The following BBS4 variants were observed in gnomAD, a reference collection of about 807,000 sequenced individuals.
BBS4 encodes the protein BBSome complex member BBS4.
BBS4 carries 58 observed loss-of-function variants against 71.4 expected under a neutral mutation model. The ratio of observed to expected loss-of-function variants is 0.81; its 90% CI spans 0.66 to 1.01. The LOEUF is 1.01. Ranked by LOEUF, BBS4 falls within the 50% of genes least tolerant of loss-of-function variation. BBS4 has a pLI of 0.00. For missense variants in BBS4, 660 were observed against 607.9 expected, an observed-to-expected ratio of 1.09 and a Z score of -0.90; for synonymous variants, 228 against 216.8, an observed-to-expected ratio of 1.05 and a Z score of -0.46.
At chr15:72,725,910 TCCCCATCCCCCTTC>T (rs1567423992) in intron 8 of BBS4, among the ~76,000 whole-genome samples, 112 of 1,248 alleles carry the variant, frequency 0.09, 21 homozygotes, top group Middle Eastern at 0.5. Context: ...CATCCCCCTT[TCCCCATCCCCCTTC>T]CCCCTTTCCC....
intron 2 of BBS4, among the ~76,000 whole-genome samples, chr15:72,708,864 C>G (rs2065313575): frequency 6.6e-6 from 1 of 152,104 alleles, no homozygotes; most frequent in African/African-American, 2.4e-5. Context: ...GGAAAAAACC[C>G]CACCCTGGTA....
chr15:72,717,145 A>G (rs1434483486), intron 6 of BBS4: 7 of 394,870 alleles, frequency 1.8e-5, no homozygotes, highest in Non-Finnish European at 2.8e-5. Flanking sequence ...ATTCCACAGT[A>G]TCAGCAATAG....
In BBS4 at chr15:72,722,827, T is replaced by C. The variant is rs781691906; in HGVS notation, c.439T>C (p.Tyr147His). The C allele has an allele frequency of 1.1e-5, 18 of 1,613,802 alleles. No individual in the cohort carries two copies. The East Asian group carries it at 2.2e-4, about 20-fold the overall frequency. The change falls in exon 7 of 16, where the codon TAC (tyrosine) becomes CAC (histidine). Residue 147 changes from tyrosine to histidine, a missense_variant. Tyr to His is a moderately conservative substitution (Grantham distance 83, BLOSUM62 2). Transcript: ENST00000268057. The part of the protein sequence containing the change: ...ISHNLGVCYI[Y>H]LKQFNKAQDQ... The stretch of plus-strand genomic sequence containing the variant: ...CCATAACCTAGGAGTTTGCTACATA[T>C]ACCTGAAGCAGTTCAACAAGGTAAT...
At chr15:72,698,717 G>A (rs181548864) in intron 2 of BBS4, among the ~76,000 whole-genome samples, 18 of 152,210 alleles carry the variant, frequency 1.2e-4, no homozygotes, top group Admixed American at 9.8e-4. Context: ...TAGGAATTTT[G>A]TAGATATTCT....
chr15:72,736,749 T>G lies in BBS4; in HGVS notation c.1249-13T>G, dbSNP rs2065931808. Reference sequence around the variant, plus strand: ...CACGCTTTTGATTCTTTTACTTCCTTTGTGGACACAAGATGGTGGAGATGG... The same window carrying G: ...CACGCTTTTGATTCTTTTACTTCCTGTGTGGACACAAGATGGTGGAGATGG... On this transcript the variant is annotated splice_polypyrimidine_tract_variant and intron_variant, in intron 14 of 15. Coordinates refer to ENST00000268057, the MANE Select transcript of BBS4 (RefSeq NM_033028.5). 1.2e-6 allele frequency: 2 copies of G among 1,613,978 alleles called. No homozygotes were observed. The highest frequency in any genetic ancestry group is 3.3e-5 in the Admixed American group (2 of 60,006).
intron 2 of BBS4, among the ~76,000 whole-genome samples, chr15:72,699,382 C>A (rs965101081): frequency 1.3e-5 from 2 of 152,098 alleles, no homozygotes; most frequent in African/African-American, 4.8e-5. Flanking sequence ...CCGTGCTTGG[C>A]CCAATTCTGT....
chr15:72,733,169 C>G (rs1201131936), intron 12 of BBS4, among the ~76,000 whole-genome samples: 2 of 152,080 alleles, frequency 1.3e-5, no homozygotes, highest in East Asian at 3.8e-4. Context: ...AATAAAAAGG[C>G]TAAAGTGGGG....
chr15:72,717,820 T>C (rs1238627027), intron 6 of BBS4, among the ~76,000 whole-genome samples: 1 of 150,140 alleles, frequency 6.7e-6, no homozygotes, highest in Non-Finnish European at 1.5e-5. Flanking sequence ...TTAACTTGCC[T>C]CTCATTTTCT....
chr15:72,711,108 GT>G lies in BBS4; in HGVS notation c.157-1128del, dbSNP rs919982250. On this transcript the variant is annotated intron_variant, in intron 3 of 15. Coordinates refer to ENST00000268057, the MANE Select transcript of BBS4 (RefSeq NM_033028.5). The stretch of plus-strand genomic sequence containing the variant: ...GAGCCACCGCACCCGGCCCATACCA[GT>G]TTTTTTTGACACCGCTGATCCGAAG... Among the ~76,000 whole-genome samples the G allele has an allele frequency of 2.1e-5, 3 of 143,920 alleles. No individual in the cohort carries two copies. The South Asian group carries it at 6.7e-4, about 32-fold the overall frequency. 94.4% of individuals were successfully genotyped at this position (143,920 alleles called of 152,430 possible).
At chr15:72,732,004 C>T (rs910419264) in intron 12 of BBS4, among the ~76,000 whole-genome samples, 6 of 152,136 alleles carry the variant, frequency 3.9e-5, no homozygotes, top group African/African-American at 1.4e-4. Flanking sequence ...CTTGACAATT[C>T]ATTTATGTAT....
At chr15:72,687,826 G>T (rs2064892416) in intron 1 of BBS4, among the ~76,000 whole-genome samples, 1 of 148,384 alleles carries the variant, frequency 6.7e-6, no homozygotes, top group Admixed American at 6.7e-5. Context: ...AGCTACTAGG[G>T]AGGCTGAGGC....
chr15:72,702,832 G>T (rs2065196238), intron 2 of BBS4, among the ~76,000 whole-genome samples: 1 of 52,398 alleles, frequency 1.9e-5, no homozygotes, highest in Admixed American at 3.6e-4. Context: ...TTTTGAGACG[G>T]AGTCTCGCTC....
At chr15:72,686,374 G>A in intron 1 of BBS4, 123 bp downstream of exon 1, 1 of 1,539,064 alleles carries the variant, frequency 6.5e-7, no homozygotes, top group East Asian at 2.4e-5. Flanking sequence ...CTCAGGGTGG[G>A]CGGGGCGACA....
chr15:72,691,958 C>CAAAAAAAAA (rs33994964), intron 1 of BBS4, among the ~76,000 whole-genome samples: 1 of 102,418 alleles, frequency 9.8e-6, no homozygotes, highest in African/African-American at 3.7e-5. Flanking sequence ...GACTTCGTCT[C>CAAAAAAAAA]AAAAAAAAAA....
At chr15:72,729,829 T>G (rs540567537) in intron 10 of BBS4, 145 bp downstream of exon 10, 1 of 697,702 alleles carries the variant, frequency 1.4e-6, no homozygotes, top group East Asian at 2.7e-5. Flanking sequence ...GTGGCTCTTC[T>G]TATTTGAAAA....
intron 4 of BBS4, among the ~76,000 whole-genome samples, chr15:72,714,858 C>T (rs1243407972): frequency 6.6e-6 from 1 of 152,162 alleles, no homozygotes. Flanking sequence ...TTATCCTTTG[C>T]CAGAATCTCC....
rs142831603 is a variant in BBS4, at chr15:72,711,590, A to C, written c.157-654A>C. Among the ~76,000 whole-genome samples, 1,206 of 152,262 alleles carry C rather than the reference A, an allele frequency of 7.9e-3. 12 individuals carry two copies. Among genetic ancestry groups the C allele is most frequent in the African/African-American group, 0.028 (1,152 of 41,542 alleles). On this transcript the variant is annotated intron_variant, in intron 3 of 15. Transcript: ENST00000268057. ...TTCTGTAATGGGCCAACAATATTTT[A>C]GGGTTTGTAGGCCACATACAGTCTC...
At chr15:72,701,377 A>C (rs749845638) in intron 2 of BBS4, among the ~76,000 whole-genome samples, 2 of 152,108 alleles carry the variant, frequency 1.3e-5, no homozygotes, top group Non-Finnish European at 2.9e-5. Flanking sequence ...CTTGATGAAC[A>C]TTTGGGATAT....
intron 1 of BBS4, chr15:72,686,822 A>C: frequency 2.9e-6 from 1 of 340,882 alleles, no homozygotes; most frequent in Non-Finnish European, 5.8e-6. Context: ...GCATATATCT[A>C]TAATTGGATC....
Sources: allele counts gnomAD v4.1 joint callset (sites outside exome capture counted in the v4.1 genomes callset), GRCh38; gene constraint gnomAD v4.1.1; transcripts MANE v1.5; gene names NCBI Gene and HGNC (gene_info 2026-07-23, HGNC 2026-07-21).